The following CACYBP variants were observed in gnomAD, a reference collection of about 807,000 sequenced individuals.
CACYBP encodes calcyclin-binding protein.
CACYBP carries 11 observed loss-of-function variants against 29.6 expected under a neutral mutation model. The observed-to-expected ratio is 0.37, with a 90% CI of 0.23 to 0.61. CACYBP has a LOEUF of 0.61. Among genes scored for constraint, CACYBP ranks in the 20% least tolerant of loss-of-function variants. The probability of loss-of-function intolerance (pLI) is 0.65; values close to 1 mark genes in which losing one functional copy is unlikely to be tolerated. For synonymous variants in CACYBP, 73 were observed against 88.3 expected (o/e 0.83, Z 0.97); for missense variants, 163 against 260.7 (o/e 0.63, Z 2.58).
At chr1:175,005,807 G>T (rs1309736028) in intron 2 of CACYBP, among the ~76,000 whole-genome samples, 1 of 152,186 alleles carries the variant, frequency 6.6e-6, no homozygotes, top group Admixed American at 6.5e-5. Flanking sequence ...CAATCCGGAG[G>T]ATGGACTGAC....
In CACYBP at chr1:175,004,906, C is replaced by T. The variant is rs776773178; in HGVS notation, c.235+73C>T. The T allele has an allele frequency of 7.2e-6, 7 of 972,186 alleles. No individual in the cohort carries two copies. In the South Asian group the frequency reaches 9.1e-5, roughly 13 times the overall value. The allele number at this position is 972,186 out of a possible 1,614,324, so 60.2% of individuals were successfully genotyped here. A position where few individuals can be genotyped will look rare whatever the true frequency, so the allele number is the denominator to read the frequency against. The stretch of plus-strand genomic sequence containing the variant: ...CCTCATAGTGGTCTAACAAATTCAT[C>T]CCCAATGAGTTTTGAGTCTGTGTTT... On this transcript the variant is annotated intron_variant, in intron 2 of 5. Coordinates refer to ENST00000367679, the MANE Select transcript of CACYBP (RefSeq NM_014412.3).
intron 1 of CACYBP, chr1:175,000,474 G>A: frequency 1.5e-6 from 2 of 1,347,076 alleles, no homozygotes; most frequent in Non-Finnish European, 1.9e-6. Context: ...GTCTGGGAGA[G>A]CGGCCCTTTG....
At chr1:175,003,286 T>G (rs866636132) in intron 1 of CACYBP, among the ~76,000 whole-genome samples, 39 of 152,006 alleles carry the variant, frequency 2.6e-4, no homozygotes, top group African/African-American at 8.9e-4. Context: ...ACCCGGCAAA[T>G]TTTTGAATTT....
Position 175,000,148 on chromosome 1 carries a change from T to C in CACYBP, c.-33T>C. The C allele has an allele frequency of 3.8e-6, 6 of 1,599,486 alleles. No homozygotes were observed. Among genetic ancestry groups the C allele is most frequent in the Non-Finnish European group, 3.4e-6 (4 of 1,172,926 alleles). On this transcript the variant is annotated 5_prime_UTR_variant, in exon 1 of 6. Transcript: ENST00000367679. ...TTTCCTGTTCCTCCTTCTGCGCGGC[T>C]GCAGCTCGGGACTTCGGCCTGACCC...
At chr1:175,003,109 G>A (rs1672531002) in intron 1 of CACYBP, among the ~76,000 whole-genome samples, 1 of 146,018 alleles carries the variant, frequency 6.8e-6, no homozygotes, top group Non-Finnish European at 1.5e-5. Context: ...AGAGGGTTGG[G>A]CAGAGTTGAT....
intron 1 of CACYBP, among the ~76,000 whole-genome samples, chr1:175,001,431 A>G (rs1489563355): frequency 6.6e-6 from 1 of 152,174 alleles, no homozygotes; most frequent in Non-Finnish European, 1.5e-5. Context: ...GTCTAGTTTC[A>G]GGACATTTTC....
At chr1:175,000,247 C>T in intron 1 of CACYBP, 52 bp downstream of exon 1, 1 of 1,563,566 alleles carries the variant, frequency 6.4e-7, no homozygotes, top group Non-Finnish European at 8.7e-7. Context: ...AGCTGCAGCG[C>T]CAGCCTCCCG....
intron 3 of CACYBP, 70 bp downstream of exon 3, chr1:175,006,911 C>A: frequency 1.0e-6 from 1 of 954,034 alleles, no homozygotes; most frequent in Non-Finnish European, 1.7e-6. Context: ...AGACTCTCTT[C>A]TTTGCAGTTT....
intron 2 of CACYBP, chr1:175,005,097 A>G: frequency 2.3e-6 from 1 of 432,418 alleles, no homozygotes; most frequent in Non-Finnish European, 4.2e-6. Flanking sequence ...TATAAGACAC[A>G]GCTTTGGTGG....
chr1:174,999,651 GACTCTC>G, upstream of CACYBP: 1 of 228,690 alleles, frequency 4.4e-6, no homozygotes. Flanking sequence ...GAAAGCAGGT[GACTCTC>G]TAGTCAACTT....
In CACYBP at chr1:175,009,859, C is replaced by A. The variant is rs1441475177; in HGVS notation, c.531-64C>A. On this transcript the variant is annotated intron_variant, in intron 5 of 5. Transcript: ENST00000367679. ...CTCTACTTCCTGCCAGTGTTAACAA[C>A]CTGAATGATAGTATCTTCCGGTGCT... 3.0e-6 allele frequency: 4 copies of A among 1,335,434 alleles called. No homozygotes were observed. The African/African-American group carries it at 4.4e-5, about 15-fold the overall frequency. 82.7% of individuals were successfully genotyped at this position (1,335,434 alleles called of 1,614,324 possible). A position where few individuals can be genotyped will look rare whatever the true frequency, so the allele number is the denominator to read the frequency against.
intron 1 of CACYBP, among the ~76,000 whole-genome samples, chr1:175,001,247 C>T (rs1029635902): frequency 6.6e-6 from 1 of 152,176 alleles, no homozygotes; most frequent in African/African-American, 2.4e-5. Context: ...AGTGTTAGTC[C>T]TCTTGAAAGT....
chr1:175,003,266 GT>G (rs1273740104), intron 1 of CACYBP, among the ~76,000 whole-genome samples: 3 of 152,050 alleles, frequency 2.0e-5, no homozygotes, highest in Admixed American at 2.0e-4. Context: ...TTACAGGCAC[GT>G]GCCACCACAC....
At chr1:175,005,157 A>C (rs1029576993) in intron 2 of CACYBP, 2 of 339,640 alleles carry the variant, frequency 5.9e-6, no homozygotes, top group African/African-American at 4.2e-5. Flanking sequence ...TCACTCTGCC[A>C]ACCACCACAA....
intron 5 of CACYBP, chr1:175,008,986 T>G (rs1672683272): frequency 3.6e-6 from 1 of 278,796 alleles, no homozygotes; most frequent in Non-Finnish European, 6.7e-6. Context: ...TACCCCTGTA[T>G]GTTTTAAATT....
At chr1:175,002,986 TAAA>T (rs2149410151) in intron 1 of CACYBP, among the ~76,000 whole-genome samples, 1 of 148,092 alleles carries the variant, frequency 6.8e-6, no homozygotes, top group East Asian at 1.9e-4. Flanking sequence ...ACCATTACAA[TAAA>T]AATATTACTT....
At chr1:175,000,290 T>G (rs1351498474) in intron 1 of CACYBP, 95 bp downstream of exon 1, 1 of 1,524,638 alleles carries the variant, frequency 6.6e-7, no homozygotes, top group East Asian at 2.6e-5. Context: ...TGAGCCGCCC[T>G]GCGGCCACCC....
At chr1:174,999,834 G>C (rs1672414296), upstream of CACYBP, 3 of 451,874 alleles carry the variant, frequency 6.6e-6, no homozygotes, top group Non-Finnish European at 1.2e-5. Flanking sequence ...GTTCGCTCGC[G>C]AGACTTGAGC....
At position 175,000,831 on chromosome 1, in the gene CACYBP, T is replaced by G. The variant is rs569985636; in HGVS notation, c.15+636T>G. On this transcript the variant is annotated intron_variant, in intron 1 of 5. Transcript: ENST00000367679. ...TTGGAAAGTTAGTTGTAATTAATAGTAAGAAAGCGAATGGCCTGTGTTAAA... is the reference window on the plus strand; with the variant it reads ...TTGGAAAGTTAGTTGTAATTAATAGGAAGAAAGCGAATGGCCTGTGTTAAA... Among the ~76,000 whole-genome samples, 6 of 152,340 alleles carry G rather than the reference T, an allele frequency of 3.9e-5. No individual in the cohort carries two copies. The South Asian group carries it at 6.2e-4, about 16-fold the overall frequency.
Sources: gnomAD v4.1 joint callset for allele counts (sites outside exome capture counted in the v4.1 genomes callset) on GRCh38, gnomAD v4.1.1 for gene constraint, MANE v1.5 for transcripts, NCBI Gene and HGNC (gene_info 2026-07-23, HGNC 2026-07-21) for gene names.